The following PDSS2 variants were observed in gnomAD, a reference collection of about 807,000 sequenced individuals.
The protein encoded by PDSS2 is all trans-polyprenyl-diphosphate synthase PDSS2.
Under a neutral mutation model 44.5 loss-of-function variants are expected in PDSS2, and 31 were observed. That is an observed-to-expected ratio of 0.70 (90% CI 0.52 to 0.94). PDSS2 has a LOEUF of 0.94. Ranked by LOEUF, PDSS2 falls within the 40% of genes least tolerant of loss-of-function variation. The pLI is 0.00. For missense variants in PDSS2, 452 were observed against 482.2 expected (o/e 0.94, Z 0.59); for synonymous variants, 157 against 180.3 (o/e 0.87, Z 1.03).
chr6:107,381,462 T>C (rs1025845905), intron 1 of PDSS2, among the ~76,000 whole-genome samples: 1 of 152,246 alleles, frequency 6.6e-6, no homozygotes, highest in South Asian at 2.1e-4. Flanking sequence ...TGTTCCATTT[T>C]CTTAAGATGC....
chr6:107,362,083 G>A (rs1340681483), intron 1 of PDSS2, among the ~76,000 whole-genome samples: 4 of 152,148 alleles, frequency 2.6e-5, no homozygotes, highest in Non-Finnish European at 5.9e-5. Context: ...ACCTGACGGG[G>A]GCAGGCAGCA....
At chr6:107,288,146 C>T (rs554230877) in intron 2 of PDSS2, among the ~76,000 whole-genome samples, 18 of 152,140 alleles carry the variant, frequency 1.2e-4, no homozygotes, top group Admixed American at 5.9e-4. Context: ...ACAACATGTC[C>T]GTCCAACATG....
At chr6:107,393,295 A>G (rs1228934295) in intron 1 of PDSS2, among the ~76,000 whole-genome samples, 2 of 152,052 alleles carry the variant, frequency 1.3e-5, no homozygotes, top group Non-Finnish European at 2.9e-5. Context: ...TTAATTTCTA[A>G]ATATCTGGGA....
intron 1 of PDSS2, among the ~76,000 whole-genome samples, chr6:107,408,190 C>T (rs535836056): frequency 3.9e-5 from 6 of 151,920 alleles, no homozygotes; most frequent in East Asian, 3.9e-4. Context: ...CCACCATGCC[C>T]GGCTAATTTT....
intron 4 of PDSS2, among the ~76,000 whole-genome samples, chr6:107,213,648 T>C (rs1277620444): frequency 1.3e-5 from 2 of 152,026 alleles, no homozygotes; most frequent in Non-Finnish European, 2.9e-5. Context: ...TCCCAGCTAC[T>C]TGGGAGGCCG....
chr6:107,329,950 G>T (rs547354783), intron 2 of PDSS2, among the ~76,000 whole-genome samples: 1 of 148,872 alleles, frequency 6.7e-6, no homozygotes, highest in South Asian at 2.1e-4. Context: ...TCAGTGAGCC[G>T]AGACTGCATC....
intron 1 of PDSS2, among the ~76,000 whole-genome samples, chr6:107,374,884 T>A (rs558988072): frequency 7.7e-4 from 117 of 152,280 alleles, no homozygotes; most frequent in Middle Eastern, 6.8e-3. Flanking sequence ...TTGAGTTCAC[T>A]ACTAGGTATT....
At chr6:107,316,098 T>A (rs1777189986) in intron 2 of PDSS2, among the ~76,000 whole-genome samples, 1 of 152,174 alleles carries the variant, frequency 6.6e-6, no homozygotes, top group South Asian at 2.1e-4. Flanking sequence ...CCACATATGG[T>A]CAAATTTCAG....
intron 1 of PDSS2, among the ~76,000 whole-genome samples, chr6:107,377,732 T>C (rs1184364775): frequency 6.6e-6 from 1 of 152,094 alleles, no homozygotes; most frequent in Non-Finnish European, 1.5e-5. Context: ...TCATGTCCTT[T>C]GTAGGGACAT....
At chr6:107,194,193 G>A (rs1031008974) in intron 6 of PDSS2, among the ~76,000 whole-genome samples, 2 of 152,116 alleles carry the variant, frequency 1.3e-5, no homozygotes, top group African/African-American at 4.8e-5. Context: ...TCACAATAAT[G>A]CCATATCATC....
intron 1 of PDSS2, among the ~76,000 whole-genome samples, chr6:107,372,330 G>C (rs1176451659): frequency 1.3e-5 from 2 of 152,074 alleles, no homozygotes. Flanking sequence ...AGACTCTGAA[G>C]TACAGCTATT....
At chr6:107,328,472 C>T (rs767052108) in intron 2 of PDSS2, among the ~76,000 whole-genome samples, 116 of 152,048 alleles carry the variant, frequency 7.6e-4, no homozygotes, top group Non-Finnish European at 1.4e-3. Context: ...GATGGGGTTT[C>T]ACCACGTTGG....
intron 7 of PDSS2, among the ~76,000 whole-genome samples, chr6:107,177,496 T>TA (rs1352127271): frequency 6.6e-6 from 1 of 152,230 alleles, no homozygotes; most frequent in Admixed American, 6.5e-5. Context: ...TTGAGGTTAG[T>TA]AATATAGAAT....
At chr6:107,364,837 G>T (rs1316112592) in intron 1 of PDSS2, among the ~76,000 whole-genome samples, 2 of 152,228 alleles carry the variant, frequency 1.3e-5, no homozygotes, top group Non-Finnish European at 2.9e-5. Context: ...AGAGAAAAAT[G>T]ACTTTATCAT....
At chr6:107,240,052 CAGTA>C (rs1274992817) in intron 4 of PDSS2, among the ~76,000 whole-genome samples, 1 of 152,062 alleles carries the variant, frequency 6.6e-6, no homozygotes, top group Non-Finnish European at 1.5e-5. Context: ...TTAGTGAGTA[CAGTA>C]AGTAACATGA....
Position 107,257,196 on chromosome 6 carries a change from G to T in PDSS2, c.631-11577C>A, listed in dbSNP as rs369436684. On this transcript the variant is annotated intron_variant, in intron 3 of 7. Coordinates refer to ENST00000369037, the MANE Select transcript of PDSS2 (RefSeq NM_020381.4). ...CTCTGTCTCACAAATAAAATAAAAT[G>T]AAATAAAATAAATCTGGGATTGGCC... is the stretch of plus-strand genomic sequence containing the variant. Among the ~76,000 whole-genome samples the T allele has an allele frequency of 4.7e-5, 7 of 149,044 alleles. No individual in the cohort carries two copies. The East Asian group carries it at 1.4e-3, about 31-fold the overall frequency.
At chr6:107,193,128 T>C (rs1772438708) in intron 7 of PDSS2, among the ~76,000 whole-genome samples, 1 of 152,358 alleles carries the variant, frequency 6.6e-6, no homozygotes, top group Non-Finnish European at 1.5e-5. Flanking sequence ...GACCCAAGTG[T>C]GTTCCTAGGC....
At chr6:107,400,755 T>G (rs918555679) in intron 1 of PDSS2, among the ~76,000 whole-genome samples, 3 of 152,140 alleles carry the variant, frequency 2.0e-5, no homozygotes, top group African/African-American at 7.2e-5. Context: ...GAAAACAGCC[T>G]TCTGACCCTT....
At chr6:107,356,019 T>C (rs1447853796) in intron 1 of PDSS2, among the ~76,000 whole-genome samples, 3 of 152,214 alleles carry the variant, frequency 2.0e-5, no homozygotes, top group Non-Finnish European at 4.4e-5. Flanking sequence ...CTCTTCATTA[T>C]AGAGAGGCAC....
Sources: gnomAD v4.1 joint callset for allele counts (sites outside exome capture counted in the v4.1 genomes callset) on GRCh38, gnomAD v4.1.1 for gene constraint, MANE v1.5 for transcripts, NCBI Gene and HGNC (gene_info 2026-07-23, HGNC 2026-07-21) for gene names.